Variants in ERBB4 observed in about 807,000 individuals in gnomAD.
ERBB4 encodes the protein receptor tyrosine-protein kinase erbB-4.
In ERBB4, 42 loss-of-function variants were observed where a neutral mutation model predicts 158.0. That is an observed-to-expected ratio of 0.27 (90% CI 0.21 to 0.34). The LOEUF (loss-of-function observed/expected upper bound fraction) is 0.34. Among genes scored for constraint, ERBB4 ranks in the 10% least tolerant of loss-of-function variants. The pLI is 1.00. For synonymous variants in ERBB4, 583 were observed against 558.7 expected (o/e 1.04, Z -0.61); for missense variants, 1,333 against 1,624.1 (o/e 0.82, Z 3.08).
At chr2:211,935,563 G>C (rs1323945504) in intron 3 of ERBB4, among the ~76,000 whole-genome samples, 2 of 152,090 alleles carry the variant, frequency 1.3e-5, no homozygotes, top group Non-Finnish European at 2.9e-5. Context: ...CAGACTGAGA[G>C]GTACACCATT....
chr2:211,515,912 A>ATATATATATATATATATTTTTTTTTTTTT (rs35696520), intron 20 of ERBB4, among the ~76,000 whole-genome samples: 1 of 78,976 alleles, frequency 1.3e-5, no homozygotes, highest in African/African-American at 5.7e-5. Flanking sequence ...ATATATATAT[A>ATATATATATATATATATTTTTTTTTTTTT]TTTTTTTTTT....
intron 1 of ERBB4, among the ~76,000 whole-genome samples, chr2:212,457,105 A>C (rs1260388091): frequency 6.6e-6 from 1 of 152,030 alleles, no homozygotes; most frequent in African/African-American, 2.4e-5. Flanking sequence ...ATATCCTAGT[A>C]ATATTTAATG....
rs887181956 is a variant in ERBB4 at position 211,751,271 on chromosome 2, T to A, written c.557-567A>T. 6.6e-5 allele frequency among the ~76,000 whole-genome samples: 10 copies of A among 152,320 alleles called. No individual in the cohort carries two copies. In the South Asian group the frequency reaches 1.7e-3, roughly 25 times the overall value. On this transcript the variant is annotated intron_variant, in intron 4 of 27. Transcript: ENST00000342788. Reference sequence around the variant, plus strand: ...CTTCTAAAATGTTTATTAACATTATTTGCATTTTCAACTCTAAGCCTTAAT... The same window carrying A: ...CTTCTAAAATGTTTATTAACATTATATGCATTTTCAACTCTAAGCCTTAAT...
chr2:211,982,646 T>C (rs9288445), intron 2 of ERBB4, among the ~76,000 whole-genome samples: 103,410 of 152,058 alleles, frequency 0.68, 38,685 homozygotes, highest in Non-Finnish European at 0.85. Flanking sequence ...TGCAGTGTGT[T>C]GTTCCTAGAG....
At chr2:212,443,924 A>G (rs2092302507) in intron 1 of ERBB4, among the ~76,000 whole-genome samples, 1 of 152,156 alleles carries the variant, frequency 6.6e-6, no homozygotes, top group African/African-American at 2.4e-5. Context: ...ATGTGACCTG[A>G]ATTGCCTATC....
chr2:211,729,497 T>TA (rs778651567), intron 5 of ERBB4, among the ~76,000 whole-genome samples: 4 of 151,498 alleles, frequency 2.6e-5, no homozygotes, highest in African/African-American at 7.2e-5. Context: ...GTAATGGGGT[T>TA]AAAAAAAATA....
chr2:212,214,674 C>T (rs11901464), intron 1 of ERBB4, among the ~76,000 whole-genome samples: 5,350 of 114,096 alleles, frequency 0.047, 280 homozygotes, highest in African/African-American at 0.15. Context: ...TTTGTACAAT[C>T]TTTTTGGAAA....
chr2:211,771,252 G>A (rs549065600), intron 4 of ERBB4, among the ~76,000 whole-genome samples: 9 of 152,252 alleles, frequency 5.9e-5, no homozygotes, highest in East Asian at 1.9e-4. Context: ...TTGGCCTTTC[G>A]TGCTAGTGCT....
intron 2 of ERBB4, among the ~76,000 whole-genome samples, chr2:211,997,623 C>G (rs1296147791): frequency 2.0e-5 from 3 of 151,936 alleles, no homozygotes; most frequent in African/African-American, 7.2e-5. Context: ...CTCTCACATA[C>G]ACACTTAAAT....
chr2:212,480,265 T>C (rs963331109), intron 1 of ERBB4, among the ~76,000 whole-genome samples: 2 of 152,114 alleles, frequency 1.3e-5, no homozygotes, highest in African/African-American at 4.8e-5. Context: ...TATTAATATA[T>C]GTATACTATC....
At chr2:211,416,568 G>A (rs574148455) in intron 25 of ERBB4, among the ~76,000 whole-genome samples, 1 of 152,158 alleles carries the variant, frequency 6.6e-6, no homozygotes, top group East Asian at 1.9e-4. Context: ...AATCAGATTT[G>A]CAGGAAGTCA....
intron 2 of ERBB4, among the ~76,000 whole-genome samples, chr2:212,114,945 T>C (rs1039264430): frequency 6.6e-6 from 1 of 152,166 alleles, no homozygotes; most frequent in East Asian, 1.9e-4. Flanking sequence ...CCAGCTCTTG[T>C]TGAGGGGCTA....
chr2:211,608,923 G>A (rs1465401341), intron 19 of ERBB4, among the ~76,000 whole-genome samples: 1 of 152,092 alleles, frequency 6.6e-6, no homozygotes, highest in African/African-American at 2.4e-5. Context: ...CCTCAATGTG[G>A]AATCACTTTC....
At chr2:212,513,492 T>A (rs1030970799) in intron 1 of ERBB4, among the ~76,000 whole-genome samples, 1 of 152,174 alleles carries the variant, frequency 6.6e-6, no homozygotes, top group African/African-American at 2.4e-5. Flanking sequence ...CCATTTTAAA[T>A]ATGAGAGTAA....
intron 2 of ERBB4, among the ~76,000 whole-genome samples, chr2:212,078,773 T>A (rs2078346782): frequency 6.6e-6 from 1 of 151,536 alleles, no homozygotes; most frequent in African/African-American, 2.4e-5. Context: ...TTAATATTAA[T>A]ATAATTAAAA....
intron 20 of ERBB4, among the ~76,000 whole-genome samples, chr2:211,449,295 T>C (rs1295097985): frequency 6.6e-6 from 1 of 152,178 alleles, no homozygotes; most frequent in Non-Finnish European, 1.5e-5. Context: ...AATAAGATGT[T>C]TCCTCAATAG....
At chr2:212,182,579 A>AT (rs1025962361) in intron 1 of ERBB4, among the ~76,000 whole-genome samples, 10 of 151,724 alleles carry the variant, frequency 6.6e-5, no homozygotes, top group African/African-American at 2.2e-4. Flanking sequence ...TTTTATTTGC[A>AT]TTTTTTATTA....
chr2:211,651,769 C>A (rs537932378), intron 16 of ERBB4, among the ~76,000 whole-genome samples: 1 of 152,076 alleles, frequency 6.6e-6, no homozygotes, highest in Non-Finnish European at 1.5e-5. Flanking sequence ...AACTTGGGAG[C>A]CTCAGTTCTA....
intron 12 of ERBB4, among the ~76,000 whole-genome samples, chr2:211,689,802 A>G (rs1309510799): frequency 6.6e-6 from 1 of 151,948 alleles, no homozygotes; most frequent in Non-Finnish European, 1.5e-5. Flanking sequence ...ACTCTTGCTA[A>G]TGGGATAAAC....
Sources: allele counts gnomAD v4.1 joint callset (sites outside exome capture counted in the v4.1 genomes callset), GRCh38; gene constraint gnomAD v4.1.1; transcripts MANE v1.5; gene names NCBI Gene and HGNC (gene_info 2026-07-23, HGNC 2026-07-21).